Variants in UCK2 observed in about 807,000 individuals in gnomAD.
UCK2 encodes the protein uridine-cytidine kinase 2.
UCK2 carries 6 observed loss-of-function variants against 30.8 expected under a neutral mutation model. That is an observed-to-expected ratio of 0.19 (90% CI 0.11 to 0.38). The LOEUF is 0.38. UCK2 is among the 10% of genes least tolerant of loss of function. The pLI, the probability that UCK2 is intolerant of heterozygous loss-of-function variation, is 1.00. For missense variants in UCK2, 210 were observed against 339.8 expected, an observed-to-expected ratio of 0.62 and a Z score of 3.00; for synonymous variants, 125 against 133.6, an observed-to-expected ratio of 0.94 and a Z score of 0.45.
At chr1:165,869,663 T>TTTG (rs1655147078) in intron 1 of UCK2, among the ~76,000 whole-genome samples, 1 of 59,412 alleles carries the variant, frequency 1.7e-5, no homozygotes, top group Admixed American at 1.8e-4. Context: ...ATGGGCCTTT[T>TTTG]TTTTTTTTTT....
intron 1 of UCK2, among the ~76,000 whole-genome samples, chr1:165,863,453 G>T (rs1056908429): frequency 6.6e-6 from 1 of 152,190 alleles, no homozygotes; most frequent in Non-Finnish European, 1.5e-5. Flanking sequence ...TATTTCATCA[G>T]CAGTATGGGT....
intron 1 of UCK2, among the ~76,000 whole-genome samples, chr1:165,844,694 G>A (rs1045091340): frequency 7.2e-5 from 11 of 152,182 alleles, no homozygotes; most frequent in Admixed American, 5.2e-4. Context: ...GGAGAGGGGG[G>A]CTGAAGGTCG....
At chr1:165,859,396 C>CT (rs760276949) in intron 1 of UCK2, among the ~76,000 whole-genome samples, 8 of 152,158 alleles carry the variant, frequency 5.3e-5, no homozygotes, top group Non-Finnish European at 1.0e-4. Context: ...GTTGGTTAAC[C>CT]TTAACTGAAC....
At chr1:165,890,151 G>T (rs750629729) in intron 1 of UCK2, 53 bp from the exon 2 acceptor site, 1 of 1,605,856 alleles carries the variant, frequency 6.2e-7, no homozygotes, top group Non-Finnish European at 8.5e-7. Context: ...GACTTCCTCT[G>T]TACCACACGT....
chr1:165,827,682 C>G lies in UCK2; in HGVS notation c.-152C>G. 1 of 590,196 alleles carries G rather than the reference C, an allele frequency of 1.7e-6. No individual in the cohort carries two copies. Among genetic ancestry groups the G allele is most frequent in the Non-Finnish European group, 2.5e-6 (1 of 398,298 alleles). The allele number at this position is 590,196 out of a possible 1,614,324, so 36.6% of individuals were successfully genotyped here. ...CCTTCGGGAAACCCAGCCCCGTCAC[C>G]GGGCTCCGAGCGGCTCGCAGGCGAG... On this transcript the variant is annotated 5_prime_UTR_variant, in exon 1 of 7. Coordinates refer to ENST00000367879, the MANE Select transcript of UCK2 (RefSeq NM_012474.5).
intron 1 of UCK2, among the ~76,000 whole-genome samples, chr1:165,882,712 T>C (rs970815273): frequency 6.6e-6 from 1 of 152,142 alleles, no homozygotes; most frequent in Admixed American, 6.5e-5. Flanking sequence ...AGCCCTTTCA[T>C]AAGGGCCCTC....
At chr1:165,895,524 T>G in intron 3 of UCK2, 3 of 985,408 alleles carry the variant, frequency 3.0e-6, no homozygotes, top group Non-Finnish European at 2.4e-6. Flanking sequence ...TCTGCTTTAT[T>G]GATAAGGAAG....
In UCK2 at chr1:165,907,794, G is replaced by A. The variant is rs1647720130; in HGVS notation, c.757G>A (p.Ala253Thr). The A allele has an allele frequency of 6.2e-7, 1 of 1,614,176 alleles. No individual in the cohort carries two copies. Among genetic ancestry groups the A allele is most frequent in the African/African-American group, 1.3e-5 (1 of 75,034 alleles). Residue 253 changes from alanine to threonine, a missense_variant, in exon 7 of 7, where the codon GCA (alanine) becomes ACA (threonine). Ala to Thr is a moderately conservative substitution (Grantham distance 58). Coordinates refer to ENST00000367879, the MANE Select transcript of UCK2 (RefSeq NM_012474.5). ...NGYTPSRKRQ[A>T]SESSSRPH ...CTACACCCCTTCACGCAAGAGGCAG[G>A]CATCGGAGTCCAGCAGCAGGCCGCA...
intron 1 of UCK2, among the ~76,000 whole-genome samples, chr1:165,833,824 G>A (rs1392858011): frequency 2.0e-5 from 3 of 152,140 alleles, no homozygotes; most frequent in Non-Finnish European, 4.4e-5. Flanking sequence ...ATATGTGAGT[G>A]TGTATGCATG....
intron 1 of UCK2, among the ~76,000 whole-genome samples, chr1:165,833,117 C>T (rs150891604): frequency 1.3e-5 from 2 of 152,288 alleles, no homozygotes; most frequent in Admixed American, 1.3e-4. Flanking sequence ...GCGCCCACTG[C>T]TCTGTTCTGG....
In UCK2 at chr1:165,907,831, C is replaced by G. The variant is rs373729839; in HGVS notation, c.*8C>G. On this transcript the variant is annotated 3_prime_UTR_variant, in exon 7 of 7. Transcript: ENST00000367879. Reference sequence around the variant, plus strand: ...AGCAGCAGGCCGCATTGACCCGTCTCCATCGGACCCCAGCCCCTATCTCCA... The same window carrying G: ...AGCAGCAGGCCGCATTGACCCGTCTGCATCGGACCCCAGCCCCTATCTCCA... The G allele has an allele frequency of 6.2e-7, 1 of 1,613,464 alleles. No homozygotes were observed. Among genetic ancestry groups the G allele is most frequent in the Non-Finnish European group, 8.5e-7 (1 of 1,179,696 alleles).
chr1:165,869,049 A>G lies in UCK2; in HGVS notation c.100-21155A>G, dbSNP rs558411249. On this transcript the variant is annotated intron_variant, in intron 1 of 6. Coordinates refer to ENST00000367879, the MANE Select transcript of UCK2 (RefSeq NM_012474.5). ...TCGCAGGAAATCATAGGGAGGCCCA[A>G]GAAGAGGGAGAGAGACAGTGGAATG... 4.6e-5 allele frequency among the ~76,000 whole-genome samples: 7 copies of G among 152,326 alleles called. No homozygotes were observed. The East Asian group carries it at 1.2e-3, about 25-fold the overall frequency.
intron 1 of UCK2, among the ~76,000 whole-genome samples, chr1:165,884,342 C>T (rs562900329): frequency 6.6e-6 from 1 of 152,242 alleles, no homozygotes; most frequent in Non-Finnish European, 1.5e-5. Flanking sequence ...GAGCAGCCCT[C>T]CCTGTGATTC....
In UCK2 at chr1:165,878,720, A is replaced by G. The variant is rs144130468; in HGVS notation, c.100-11484A>G. ...CACAGTTTATTCATTCACCTACTTT[A>G]GTACATCTTGGTTGCTTGCTTCCAA... On this transcript the variant is annotated intron_variant, in intron 1 of 6. Coordinates refer to ENST00000367879, the MANE Select transcript of UCK2 (RefSeq NM_012474.5). Among the ~76,000 whole-genome samples the G allele has an allele frequency of 2.8e-3, 426 of 152,338 alleles. 2 individuals are homozygous for G. The highest frequency in any genetic ancestry group is 9.6e-3 in the African/African-American group (399 of 41,578).
At chr1:165,899,160 T>C (rs1647374073) in intron 4 of UCK2, among the ~76,000 whole-genome samples, 1 of 152,188 alleles carries the variant, frequency 6.6e-6, no homozygotes, top group African/African-American at 2.4e-5. Context: ...AGATTCTGAG[T>C]TGACCCTCAT....
chr1:165,861,193 A>T (rs1227370151), intron 1 of UCK2, among the ~76,000 whole-genome samples: 1 of 152,128 alleles, frequency 6.6e-6, no homozygotes, highest in Non-Finnish European at 1.5e-5. Context: ...ATGAGGGCTG[A>T]GCCTTCATGA....
intron 3 of UCK2, 87 bp from the exon 4 acceptor site, chr1:165,896,103 C>T: frequency 6.4e-7 from 1 of 1,551,880 alleles, no homozygotes; most frequent in East Asian, 2.3e-5. Context: ...ACCCAGAACC[C>T]AGCCCAGCCA....
At chr1:165,904,489 A>G (rs966973877) in intron 5 of UCK2, among the ~76,000 whole-genome samples, 2 of 152,226 alleles carry the variant, frequency 1.3e-5, no homozygotes, top group Admixed American at 1.3e-4. Context: ...TTTTGACTTA[A>G]TAAGAACACA....
intron 1 of UCK2, among the ~76,000 whole-genome samples, chr1:165,859,849 C>T (rs1359943078): frequency 6.6e-6 from 1 of 152,216 alleles, no homozygotes; most frequent in East Asian, 1.9e-4. Flanking sequence ...AGTCCCTTCC[C>T]AAACTCAACT....
Sources: gnomAD v4.1 joint callset for allele counts (sites outside exome capture counted in the v4.1 genomes callset) on GRCh38, gnomAD v4.1.1 for gene constraint, MANE v1.5 for transcripts, NCBI Gene and HGNC (gene_info 2026-07-23, HGNC 2026-07-21) for gene names.